The following ASB13 variants were observed in gnomAD, a reference collection of about 807,000 sequenced individuals.
The protein encoded by ASB13 is ankyrin repeat and SOCS box containing 13.
Under a neutral mutation model 28.8 loss-of-function variants are expected in ASB13, and 33 were observed. The ratio of observed to expected loss-of-function variants is 1.15; its 90% CI spans 0.87 to 1.53. The LOEUF is 1.53. Among genes scored for constraint, ASB13 ranks in the 40% most tolerant of loss-of-function variants. ASB13 has a pLI of 0.00. For synonymous variants in ASB13, 182 were observed against 172.9 expected, an observed-to-expected ratio of 1.05 and a Z score of -0.41; for missense variants, 414 against 390.1, an observed-to-expected ratio of 1.06 and a Z score of -0.52.
rs9988664 is a variant in ASB13, at chr10:5,643,375, A to G, written c.518-1414T>C. ...AAATATTTTAATCCCCTAAAAGCAC[A>G]TAAGAACCATGCTCATAACAGCATT... On this transcript the variant is annotated intron_variant, in intron 4 of 5. Transcript: ENST00000357700. Among the ~76,000 whole-genome samples, 572 of 152,344 alleles carry G rather than the reference A, an allele frequency of 3.8e-3. 4 individuals carry two copies. The highest frequency in any genetic ancestry group is 0.013 in the African/African-American group (540 of 41,570).
In ASB13 at chr10:5,661,332, C is replaced by T. The variant is rs1057194182; in HGVS notation, c.43+5177G>A. 3.9e-5 allele frequency among the ~76,000 whole-genome samples: 6 copies of T among 152,228 alleles called. No individual in the cohort carries two copies. The highest frequency in any genetic ancestry group is 1.4e-4 in the African/African-American group (6 of 41,448). On this transcript the variant is annotated intron_variant, in intron 1 of 5. Transcript: ENST00000357700. This position sits in a 1 kb window ranked among gnomAD's most constrained non-coding sequence, Gnocchi z 4.9. ...AGAGCCACTTGCCCCCAACCCCGCC[C>T]CGCCGAGCCTGGGGCCTCTCCAGGG...
chr10:5,641,624 A>G lies in ASB13; in HGVS notation c.709+146T>C. 1 of 808,160 alleles carries G rather than the reference A, an allele frequency of 1.2e-6. No individual in the cohort carries two copies. Among genetic ancestry groups the G allele is most frequent in the Non-Finnish European group, 1.8e-6 (1 of 551,168 alleles). The allele number at this position is 808,160 out of a possible 1,614,324, so 50.1% of individuals were successfully genotyped here. A position where few individuals can be genotyped will look rare whatever the true frequency, so the allele number is the denominator to read the frequency against. The stretch of plus-strand genomic sequence containing the variant: ...GGGCAACAGCACAAACAGCCCCCGC[A>G]AAGTGCTTAAGGGTCTGTCCTAGCG... On this transcript the variant is annotated intron_variant, in intron 5 of 5. Transcript: ENST00000357700. The surrounding 1 kb of genome is among the most constrained non-coding windows in gnomAD (Gnocchi z 8.4).
chr10:5,663,099 G>A lies in ASB13; in HGVS notation c.43+3410C>T, dbSNP rs148015096. 4.6e-5 allele frequency among the ~76,000 whole-genome samples: 7 copies of A among 152,262 alleles called. No homozygotes were observed. In the East Asian group the frequency reaches 9.7e-4, roughly 21 times the overall value. ...TCGGTAAACTTGAGGTCAAACAGCA[G>A]ACTGATTTTAAGATGTGTTCAATGA... On this transcript the variant is annotated intron_variant, in intron 1 of 5. Coordinates refer to ENST00000357700, the MANE Select transcript of ASB13 (RefSeq NM_024701.4). This position sits in a 1 kb window ranked among gnomAD's most constrained non-coding sequence, Gnocchi z 4.9.
chr10:5,654,048 G>A (rs571505159), intron 1 of ASB13, among the ~76,000 whole-genome samples: 8 of 151,680 alleles, frequency 5.3e-5, no homozygotes, highest in African/African-American at 1.9e-4. Context: ...AACAAAAGGG[G>A]TGAGAGCCAA....
Position 5,651,389 on chromosome 10 carries a change from A to G in ASB13, c.232-26T>C, listed in dbSNP as rs755333600. Reference sequence around the variant, plus strand: ...CTCACGGGAGGAAGAAACAAGTGTCAAAGGGCAGAGAAATGCCACGCAACC... The same window carrying G: ...CTCACGGGAGGAAGAAACAAGTGTCGAAGGGCAGAGAAATGCCACGCAACC... On this transcript the variant is annotated intron_variant, in intron 2 of 5. Coordinates refer to ENST00000357700, the MANE Select transcript of ASB13 (RefSeq NM_024701.4). This position sits in a 1 kb window ranked among gnomAD's most constrained non-coding sequence, Gnocchi z 5.1. 2 of 1,568,648 alleles carry G rather than the reference A, an allele frequency of 1.3e-6. No individual in the cohort carries two copies. Among genetic ancestry groups the G allele is most frequent in the East Asian group, 2.3e-5 (1 of 43,352 alleles).
chr10:5,646,145 G>T (rs1043848736), intron 4 of ASB13, among the ~76,000 whole-genome samples: 2 of 152,146 alleles, frequency 1.3e-5, no homozygotes, highest in African/African-American at 4.8e-5. Flanking sequence ...AACTCCCGGG[G>T]AGAGCTGTGG....
rs1004907384 is a variant in ASB13 at position 5,658,265 on chromosome 10, T to C, written c.44-5215A>G. Among the ~76,000 whole-genome samples, 27 of 152,144 alleles carry C rather than the reference T, an allele frequency of 1.8e-4. No homozygotes were observed. The highest frequency in any genetic ancestry group is 3.2e-3 in the Middle Eastern group (1 of 316). On this transcript the variant is annotated intron_variant, in intron 1 of 5. Coordinates refer to ENST00000357700, the MANE Select transcript of ASB13 (RefSeq NM_024701.4). The surrounding 1 kb of genome is among the most constrained non-coding windows in gnomAD (Gnocchi z 4.2). ...AGGCAATATGGTGAAACCCCATCTC[T>C]ACTAAAATTACAAAAATTAGCTGGG...
Position 5,660,056 on chromosome 10 carries a change from C to A in ASB13, c.43+6453G>T, listed in dbSNP as rs1324552546. Among the ~76,000 whole-genome samples the A allele has an allele frequency of 6.6e-6, 1 of 152,230 alleles. No homozygotes were observed. Among genetic ancestry groups the A allele is most frequent in the Non-Finnish European group, 1.5e-5 (1 of 68,042 alleles). On this transcript the variant is annotated intron_variant, in intron 1 of 5. Transcript: ENST00000357700. This position sits in a 1 kb window ranked among gnomAD's most constrained non-coding sequence, Gnocchi z 6.1. ...AGTCCTGATGGCTGGATTCTACCCA[C>A]TTCCTCCTCTGCTTCAGGTCAGGGT...
rs1834783204 is a variant in ASB13, at chr10:5,640,182, G to A, written c.*521C>T. 6.4e-6 allele frequency: 1 copy of A among 155,148 alleles called. No individual in the cohort carries two copies. The highest frequency in any genetic ancestry group is 2.4e-5 in the African/African-American group (1 of 41,488). 9.6% of individuals were successfully genotyped at this position (155,148 alleles called of 1,614,324 possible). The stretch of plus-strand genomic sequence containing the variant: ...CCACACAGCAGCCAGCAGAGCAGCA[G>A]TCCCAGGCCACATCCCAGGCCGACC... On this transcript the variant is annotated 3_prime_UTR_variant, in exon 6 of 6. Transcript: ENST00000357700.
In ASB13 at chr10:5,664,295, G is replaced by A. The variant is rs749351880; in HGVS notation, c.43+2214C>T. ...GAAGACCCAAGGCTGCAGGGCACAC[G>A]TCTCCAAACACTGAACCAGGAGAGA... On this transcript the variant is annotated intron_variant, in intron 1 of 5. Coordinates refer to ENST00000357700, the MANE Select transcript of ASB13 (RefSeq NM_024701.4). The surrounding 1 kb of genome is among the most constrained non-coding windows in gnomAD (Gnocchi z 4.2). Among the ~76,000 whole-genome samples, 23 of 141,576 alleles carry A rather than the reference G, an allele frequency of 1.6e-4. No individual in the cohort carries two copies. The highest frequency in any genetic ancestry group is 2.6e-4 in the Non-Finnish European group (17 of 65,106). The allele number at this position is 141,576 out of a possible 152,430, so 92.9% of individuals were successfully genotyped here.
At chr10:5,653,498 C>T (rs973192087) in intron 1 of ASB13, among the ~76,000 whole-genome samples, 2 of 152,220 alleles carry the variant, frequency 1.3e-5, no homozygotes, top group Non-Finnish European at 2.9e-5. Flanking sequence ...CGCACACACG[C>T]TCAGACCCCT....
In ASB13 at chr10:5,641,168, C is replaced by G. The variant is rs1834803603; in HGVS notation, c.710-338G>C. ...CCAGGCTGGAGTGCAGCGGCACAAT[C>G]TCAGCTCACTGCAACCTCCGCCTCC... On this transcript the variant is annotated intron_variant, in intron 5 of 5. Transcript: ENST00000357700. This position sits in a 1 kb window ranked among gnomAD's most constrained non-coding sequence, Gnocchi z 8.4. Among the ~76,000 whole-genome samples the G allele has an allele frequency of 6.6e-6, 1 of 152,182 alleles. No homozygotes were observed. Among genetic ancestry groups the G allele is most frequent in the Non-Finnish European group, 1.5e-5 (1 of 68,020 alleles).
In ASB13 at chr10:5,654,824, C is replaced by T. The variant is rs577776545; in HGVS notation, c.44-1774G>A. Among the ~76,000 whole-genome samples the T allele has an allele frequency of 5.9e-5, 9 of 152,318 alleles. 1 individual carries two copies. Among genetic ancestry groups the T allele is most frequent in the South Asian group, 2.1e-4 (1 of 4,826 alleles). On this transcript the variant is annotated intron_variant, in intron 1 of 5. Transcript: ENST00000357700. ...TTACACAGTGCATCTGGGCTAGGTG[C>T]GGTGGCTCATGCCTGTAATCTCACC...
intron 4 of ASB13, among the ~76,000 whole-genome samples, 158 bp downstream of exon 4, chr10:5,648,812 A>T: frequency 6.6e-6 from 1 of 150,966 alleles, no homozygotes; most frequent in South Asian, 2.1e-4. Context: ...CCACTCCGGT[A>T]AACACCCACG....
Position 5,653,666 on chromosome 10 carries a change from AT to A in ASB13, c.44-617del, listed in dbSNP as rs1835025448. Among the ~76,000 whole-genome samples the A allele has an allele frequency of 1.1e-4, 6 of 52,596 alleles. No homozygotes were observed. The South Asian group carries it at 5.4e-3, about 48-fold the overall frequency. The allele number at this position is 52,596 out of a possible 152,430, so 34.5% of individuals were successfully genotyped here. On this transcript the variant is annotated intron_variant, in intron 1 of 5. Transcript: ENST00000357700. Reference sequence around the variant, plus strand: ...TTTCTAATGTGGATGCCATTTATTTATTTATTTATTTATTTATTTATTTATT... The same window carrying A: ...TTTCTAATGTGGATGCCATTTATTTATTATTTATTTATTTATTTATTTATT...
Position 5,641,758 on chromosome 10 carries a change from G to A in ASB13, c.709+12C>T, listed in dbSNP as rs1475928923. The A allele has an allele frequency of 6.4e-7, 1 of 1,565,448 alleles. No homozygotes were observed. Among genetic ancestry groups the A allele is most frequent in the Non-Finnish European group, 8.7e-7 (1 of 1,151,600 alleles). On this transcript the variant is annotated intron_variant, in intron 5 of 5. Coordinates refer to ENST00000357700, the MANE Select transcript of ASB13 (RefSeq NM_024701.4). This position sits in a 1 kb window ranked among gnomAD's most constrained non-coding sequence, Gnocchi z 8.4. ...CTGGAGGGGATGGGGTGCGCTCGGTGGGGTGTCTCACTTTCGTAGTACTCG... is the reference window on the plus strand; with the variant it reads ...CTGGAGGGGATGGGGTGCGCTCGGTAGGGTGTCTCACTTTCGTAGTACTCG...
chr10:5,643,352 A>G (rs1174434410), intron 4 of ASB13, among the ~76,000 whole-genome samples: 1 of 152,222 alleles, frequency 6.6e-6, no homozygotes, highest in Non-Finnish European at 1.5e-5. Flanking sequence ...CTGCTTTAAA[A>G]TATTTTAATC....
At position 5,652,759 on chromosome 10, in the gene ASB13, A is replaced by G; in HGVS notation, c.231+104T>C. Reference sequence around the variant, plus strand: ...CCTGGTACCTGTGTGCAGTGGACACAGTGCAGCCCCCATCCTCCCCTCTTT... The same window carrying G: ...CCTGGTACCTGTGTGCAGTGGACACGGTGCAGCCCCCATCCTCCCCTCTTT... On this transcript the variant is annotated intron_variant, in intron 2 of 5. Transcript: ENST00000357700. The surrounding 1 kb of genome is among the most constrained non-coding windows in gnomAD (Gnocchi z 5.0). 1 of 1,211,420 alleles carries G rather than the reference A, an allele frequency of 8.3e-7. No individual in the cohort carries two copies. The highest frequency in any genetic ancestry group is 1.8e-5 in the South Asian group (1 of 56,406). 75.0% of individuals were successfully genotyped at this position (1,211,420 alleles called of 1,614,324 possible). A position where few individuals can be genotyped will look rare whatever the true frequency, so the allele number is the denominator to read the frequency against.
intron 1 of ASB13, among the ~76,000 whole-genome samples, chr10:5,654,633 AACAG>A (rs1835043462): frequency 6.6e-6 from 1 of 152,236 alleles, no homozygotes; most frequent in Non-Finnish European, 1.5e-5. Flanking sequence ...CACAAATGAC[AACAG>A]TGCTGGATGA....
Sources: gnomAD v4.1 joint callset for allele counts (sites outside exome capture counted in the v4.1 genomes callset) on GRCh38, gnomAD v4.1.1 for gene constraint, Gnocchi (gnomAD v3.1) non-coding constraint, MANE v1.5 for transcripts, NCBI Gene and HGNC (gene_info 2026-07-23, HGNC 2026-07-21) for gene names.